The following KDELR1 variants were observed in gnomAD, a reference collection of about 807,000 sequenced individuals.
KDELR1 encodes ER lumen protein-retaining receptor 1.
In KDELR1, 16 loss-of-function variants were observed where a neutral mutation model predicts 25.5. The observed-to-expected ratio is 0.63, with a 90% confidence interval of 0.43 to 0.95. The LOEUF (loss-of-function observed/expected upper bound fraction) is 0.95, where lower values mean the gene tolerates loss of function less well. Among genes scored for constraint, KDELR1 ranks in the 40% least tolerant of loss-of-function variants. The probability of loss-of-function intolerance (pLI) is 0.00; values close to 1 mark genes in which losing one functional copy is unlikely to be tolerated. For missense variants in KDELR1, 159 were observed against 265.2 expected (o/e 0.60, Z 2.78); for synonymous variants, 121 against 115.0 (o/e 1.05, Z -0.33).
At chr19:48,393,126 C>A (rs924769898), upstream of KDELR1, among the ~76,000 whole-genome samples, 1 of 151,134 alleles carries the variant, frequency 6.6e-6, no homozygotes, top group Non-Finnish European at 1.5e-5. The surrounding 1 kb of genome is among the most constrained non-coding windows in gnomAD (Gnocchi z 5.6). Flanking sequence ...GTGGCTTGTA[C>A]GGGGGAGAGT....
intron 3 of KDELR1, among the ~76,000 whole-genome samples, chr19:48,388,658 C>A (rs531523516): frequency 1.4e-3 from 206 of 150,290 alleles, no homozygotes; most frequent in Non-Finnish European, 2.7e-3. Flanking sequence ...TGCCTCCAGT[C>A]TGGGCAACCG....
chr19:48,396,154 C>T (rs1371278416), upstream of KDELR1, among the ~76,000 whole-genome samples: 2 of 151,692 alleles, frequency 1.3e-5, no homozygotes, highest in Admixed American at 6.6e-5. Flanking sequence ...GAAACGGAGG[C>T]TCATGAGGAG....
At chr19:48,396,423 G>C (rs114045222), upstream of KDELR1, among the ~76,000 whole-genome samples, 317 of 152,206 alleles carry the variant, frequency 2.1e-3, 1 homozygote, top group African/African-American at 7.1e-3. Context: ...CCTAAGAGCA[G>C]AAGCCAGGTA....
intron 1 of KDELR1, chr19:48,390,932 C>T (rs1970543413): frequency 2.2e-6 from 1 of 464,732 alleles, no homozygotes. Context: ...CCGTTCCCTT[C>T]CTGGCCGCCA....
chr19:48,391,481 T>G lies in KDELR1; in HGVS notation c.-123A>C. 1 of 725,994 alleles carries G rather than the reference T, an allele frequency of 1.4e-6. No homozygotes were observed. Among genetic ancestry groups the G allele is most frequent in the Non-Finnish European group, 2.3e-6 (1 of 426,518 alleles). 45.0% of individuals were successfully genotyped at this position (725,994 alleles called of 1,614,324 possible). ...GACGGAAGAGGGACCCTAGGTGCGC[T>G]CCGCTCCGGGGAGGGGACTTTGGGA... On this transcript the variant is annotated 5_prime_UTR_variant, in exon 1 of 5. Transcript: ENST00000330720.
At chr19:48,394,642 G>A (rs556640560), upstream of KDELR1, among the ~76,000 whole-genome samples, 68 of 152,264 alleles carry the variant, frequency 4.5e-4, no homozygotes, top group Non-Finnish European at 7.2e-4. This position sits in a 1 kb window ranked among gnomAD's most constrained non-coding sequence, Gnocchi z 5.1. Flanking sequence ...TGCAATGTCC[G>A]GGGCCCAACT....
intron 2 of KDELR1, 121 bp downstream of exon 2, chr19:48,390,303 T>A (rs1237114192): frequency 5.1e-5 from 32 of 624,670 alleles, no homozygotes; most frequent in Admixed American, 4.7e-4. Context: ...CCCCGGCCCC[T>A]CCTCCCTCAG....
rs373903445 is a variant in KDELR1 at position 48,383,247 on chromosome 19, C to T, written c.*46G>A. The T allele has an allele frequency of 4.5e-6, 7 of 1,546,346 alleles. No homozygotes were observed. The East Asian group carries it at 9.8e-5, about 22-fold the overall frequency. On this transcript the variant is annotated 3_prime_UTR_variant, in exon 5 of 5. Transcript: ENST00000330720. The stretch of plus-strand genomic sequence containing the variant: ...AAGCTCTTCATCTTCTGCCGCCTTC[C>T]TCTGCCTCCCGCTGCTGCCGAGGAG...
At chr19:48,396,944 C>G in the KDELR1 span, among the ~76,000 whole-genome samples, 1 of 152,146 alleles carries the variant, frequency 6.6e-6, no homozygotes, top group Non-Finnish European at 1.5e-5. Flanking sequence ...ACTCCCAGTG[C>G]CCTCCTCCCT....
intron 3 of KDELR1, among the ~76,000 whole-genome samples, chr19:48,385,704 C>T (rs1306575589): frequency 6.6e-6 from 1 of 152,334 alleles, no homozygotes; most frequent in African/African-American, 2.4e-5. Flanking sequence ...GCAGGTGTGG[C>T]TCCTTGGTTG....
chr19:48,387,687 G>GA (rs957905797), intron 3 of KDELR1: 10,484 of 87,128 alleles, frequency 0.12, 652 homozygotes, highest in Middle Eastern at 0.28. Context: ...TCTCAAAAAA[G>GA]AAAAAAAAAA....
chr19:48,391,596 GC>G (rs1434881111), upstream of KDELR1: 17 of 520,526 alleles, frequency 3.3e-5, no homozygotes, highest in East Asian at 5.1e-4. Flanking sequence ...GAGAGGCTCC[GC>G]CCCCGAGGGC....
chr19:48,395,737 T>TG (rs548565107), upstream of KDELR1, among the ~76,000 whole-genome samples: 216 of 151,426 alleles, frequency 1.4e-3, 1 homozygote, highest in Middle Eastern at 3.4e-3. Context: ...CAGAGCTCGG[T>TG]GGGGGGGCAC....
rs757367975 is a variant in KDELR1, at chr19:48,389,583, G to A, written c.321C>T (p.Phe107=). The change falls in exon 3 of 5, where the codon TTC becomes TTT. Residue 107 remains phenylalanine (F), a synonymous_variant. Transcript: ENST00000330720. ...GAGGGGTGAAGTCATGATTGACCAG[G>A]AACGCCAGAATGGCTGTGGGAACGA... ...FLVVPTAILA[F]LVNHDFTPLE... is the part of the protein sequence containing the mutation. 2 of 1,613,994 alleles carry A rather than the reference G, an allele frequency of 1.2e-6. No homozygotes were observed. Among genetic ancestry groups the A allele is most frequent in the South Asian group, 1.1e-5 (1 of 91,086 alleles).
intron 3 of KDELR1, among the ~76,000 whole-genome samples, chr19:48,386,912 C>CA (rs1246502545): frequency 5.3e-5 from 8 of 151,526 alleles, no homozygotes; most frequent in African/African-American, 1.7e-4. Context: ...CCTAAAAATA[C>CA]AAAAAAATTT....
In KDELR1 at chr19:48,384,007, C is replaced by T. The variant is rs979882797; in HGVS notation, c.604+223G>A. ...GTCCCTGCCCTGCCTGGCCTACGCT[C>T]CAAGTGACATGGGGGCTAAGGACAG... On this transcript the variant is annotated intron_variant, in intron 4 of 4. Transcript: ENST00000330720. The surrounding 1 kb of genome is among the most constrained non-coding windows in gnomAD (Gnocchi z 4.6). Among the ~76,000 whole-genome samples, 2 of 152,166 alleles carry T rather than the reference C, an allele frequency of 1.3e-5. No individual in the cohort carries two copies. The highest frequency in any genetic ancestry group is 2.9e-5 in the Non-Finnish European group (2 of 68,040).
upstream of KDELR1, among the ~76,000 whole-genome samples, chr19:48,395,161 GCCC>G (rs1452037165): frequency 1.3e-5 from 2 of 150,618 alleles, no homozygotes; most frequent in African/African-American, 2.5e-5. Flanking sequence ...GACCTTTCAC[GCCC>G]CCATTTCTCT....
chr19:48,386,590 G>A (rs1970499738), intron 3 of KDELR1, among the ~76,000 whole-genome samples: 1 of 151,398 alleles, frequency 6.6e-6, no homozygotes, highest in South Asian at 2.1e-4. Context: ...TGGGATTACA[G>A]GTGCATGCCA....
At chr19:48,391,596 G>A (rs1020237418), upstream of KDELR1, 15 of 520,526 alleles carry the variant, frequency 2.9e-5, no homozygotes, top group East Asian at 5.1e-4. Flanking sequence ...GAGAGGCTCC[G>A]CCCCCGAGGG....
Sources: allele counts gnomAD v4.1 joint callset (sites outside exome capture counted in the v4.1 genomes callset), GRCh38; gene constraint gnomAD v4.1.1; non-coding constraint Gnocchi (gnomAD v3.1); transcripts MANE v1.5; gene names NCBI Gene and HGNC (gene_info 2026-07-23, HGNC 2026-07-21).